Variants in SBF2 observed in about 807,000 individuals in gnomAD.
The protein encoded by SBF2 is SET binding factor 2, also known as myotubularin-related protein 13.
A neutral mutation model predicts 225.2 loss-of-function variants in SBF2; 112 were observed. That is an observed-to-expected ratio of 0.50 (90% confidence interval 0.43 to 0.58). The LOEUF (loss-of-function observed/expected upper bound fraction) is 0.58. Among genes scored for constraint, SBF2 ranks in the 20% least tolerant of loss-of-function variants. The pLI, the probability that SBF2 is intolerant of heterozygous loss-of-function variation, is 0.00. For missense variants in SBF2, 1,996 were observed against 2,206.2 expected (o/e 0.90, Z 1.91); for synonymous variants, 763 against 773.3 (o/e 0.99, Z 0.22).
rs569908638 is a variant in SBF2, at chr11:10,148,286, G to C, written c.141+45616C>G. On this transcript the variant is annotated intron_variant, in intron 2 of 39. Transcript: ENST00000256190. ...TAGGGAACTAAGTTCCAAAAATCCT[G>C]TGAGATCTACTTTTGAGGACATAAT... Among the ~76,000 whole-genome samples the C allele has an allele frequency of 1.8e-4, 28 of 152,164 alleles. No homozygotes were observed. The South Asian group carries it at 4.4e-3, about 24-fold the overall frequency.
intron 16 of SBF2, among the ~76,000 whole-genome samples, chr11:9,933,226 C>T (rs548623243): frequency 1.4e-4 from 21 of 152,232 alleles, no homozygotes; most frequent in African/African-American, 4.8e-4. Context: ...TTCAACACCC[C>T]ACTGTCTATA....
At chr11:10,146,731 T>C (rs185944860) in intron 2 of SBF2, among the ~76,000 whole-genome samples, 1 of 152,224 alleles carries the variant, frequency 6.6e-6, no homozygotes, top group East Asian at 1.9e-4. Flanking sequence ...TGGGATCTAA[T>C]TAAACTAAAG....
intron 2 of SBF2, among the ~76,000 whole-genome samples, chr11:10,063,257 A>T (rs7106491): frequency 6.6e-6 from 1 of 151,304 alleles, no homozygotes; most frequent in Admixed American, 6.6e-5. Flanking sequence ...TAATATGTAC[A>T]ACAAACCCCC....
At chr11:9,921,824 G>A (rs1380930390) in intron 16 of SBF2, among the ~76,000 whole-genome samples, 2 of 152,172 alleles carry the variant, frequency 1.3e-5, no homozygotes, top group Non-Finnish European at 2.9e-5. Context: ...GGGCTTACAA[G>A]CTATTGCAAC....
Position 10,196,837 on chromosome 11 carries a change from A to AAT in SBF2, c.56-2852_56-2851dup, listed in dbSNP as rs71313475. Among the ~76,000 whole-genome samples the AAT allele has an allele frequency of 1.5e-3, 123 of 83,506 alleles. 1 individual carries two copies. The highest frequency in any genetic ancestry group is 3.2e-3 in the East Asian group (9 of 2,830). The allele number at this position is 83,506 out of a possible 152,430, so 54.8% of individuals were successfully genotyped here. A position where few individuals can be genotyped will look rare whatever the true frequency, so the allele number is the denominator to read the frequency against. The stretch of plus-strand genomic sequence containing the variant: ...CATTTATTCCTAGGTTTCTTGCATA[A>AAT]ATATATATATATATATATATATATA... On this transcript the variant is annotated intron_variant, in intron 1 of 39. Coordinates refer to ENST00000256190, the MANE Select transcript of SBF2 (RefSeq NM_030962.4).
At chr11:10,176,260 C>T (rs866924459) in intron 2 of SBF2, among the ~76,000 whole-genome samples, 2,194 of 149,860 alleles carry the variant, frequency 0.015, 24 homozygotes, top group Middle Eastern at 0.035. Context: ...AATTGACACC[C>T]TAACATCACA....
chr11:9,893,748 A>AT (rs1200849430), intron 17 of SBF2, among the ~76,000 whole-genome samples: 1 of 152,186 alleles, frequency 6.6e-6, no homozygotes, highest in Non-Finnish European at 1.5e-5. Context: ...ATTCGATGCC[A>AT]TCCAGTGGCC....
At chr11:10,079,099 C>T (rs192375782) in intron 2 of SBF2, among the ~76,000 whole-genome samples, 3 of 152,046 alleles carry the variant, frequency 2.0e-5, no homozygotes, top group South Asian at 2.1e-4. Context: ...TAAGAAGAAG[C>T]GACTGTTACC....
chr11:10,101,698 G>A (rs2134970893), intron 2 of SBF2, among the ~76,000 whole-genome samples: 1 of 144,406 alleles, frequency 6.9e-6, no homozygotes, highest in African/African-American at 2.5e-5. Context: ...TGTGTACATG[G>A]TAAATGTCAA....
chr11:9,976,160 G>C (rs961885521), intron 13 of SBF2, among the ~76,000 whole-genome samples: 2 of 137,058 alleles, frequency 1.5e-5, no homozygotes, highest in African/African-American at 2.8e-5. Context: ...TGCAACCTTT[G>C]CCTCCCAGGT....
intron 16 of SBF2, among the ~76,000 whole-genome samples, chr11:9,903,784 AGT>A (rs1458593875): frequency 6.6e-6 from 1 of 152,116 alleles, no homozygotes; most frequent in Admixed American, 6.5e-5. Context: ...GAGCATGCGC[AGT>A]GTGTTTAGGA....
At chr11:9,984,040 T>C (rs1302488089) in intron 13 of SBF2, among the ~76,000 whole-genome samples, 1 of 152,002 alleles carries the variant, frequency 6.6e-6, no homozygotes, top group East Asian at 1.9e-4. Flanking sequence ...CCCCCAAAAA[T>C]CACACTAGTT....
chr11:10,166,442 C>T (rs530005837), intron 2 of SBF2, among the ~76,000 whole-genome samples: 2 of 151,502 alleles, frequency 1.3e-5, no homozygotes, highest in Non-Finnish European at 2.9e-5. Flanking sequence ...AACTGTCAAG[C>T]GGGGGTGGGC....
chr11:10,072,356 G>T (rs1025169030), intron 2 of SBF2, among the ~76,000 whole-genome samples: 1 of 152,248 alleles, frequency 6.6e-6, no homozygotes, highest in East Asian at 1.9e-4. Flanking sequence ...AGCACAAAGT[G>T]TTGACATTTC....
At chr11:9,825,649 G>A (rs1376598767) in intron 28 of SBF2, among the ~76,000 whole-genome samples, 1 of 152,164 alleles carries the variant, frequency 6.6e-6, no homozygotes, top group African/African-American at 2.4e-5. Flanking sequence ...GGAAAAAAGT[G>A]AATTTTGTAA....
chr11:9,804,987 G>GTA (rs1853717533), intron 32 of SBF2, among the ~76,000 whole-genome samples: 1 of 152,114 alleles, frequency 6.6e-6, no homozygotes, highest in South Asian at 2.1e-4. Flanking sequence ...GCTCACGCCT[G>GTA]TAATCCCAGT....
intron 1 of SBF2, among the ~76,000 whole-genome samples, chr11:10,223,220 G>A (rs981974970): frequency 6.6e-6 from 1 of 150,872 alleles, no homozygotes; most frequent in African/African-American, 2.4e-5. Flanking sequence ...TCCTTAATGA[G>A]TCCTGTCATT....
chr11:10,078,640 G>C (rs554406325), intron 2 of SBF2, among the ~76,000 whole-genome samples: 3 of 151,916 alleles, frequency 2.0e-5, no homozygotes, highest in African/African-American at 7.2e-5. Flanking sequence ...GGGTTTGGGG[G>C]CTGGGGGAGG....
intron 2 of SBF2, among the ~76,000 whole-genome samples, chr11:10,137,936 G>A (rs538135476): frequency 9.5e-4 from 145 of 152,188 alleles, no homozygotes; most frequent in African/African-American, 3.0e-3. Flanking sequence ...GGAGGCAGAG[G>A]TTGCAGTGAG....
Sources: gnomAD v4.1 joint callset for allele counts (sites outside exome capture counted in the v4.1 genomes callset) on GRCh38, gnomAD v4.1.1 for gene constraint, MANE v1.5 for transcripts, NCBI Gene and HGNC (gene_info 2026-07-23, HGNC 2026-07-21) for gene names.